The following SPATA6 variants were observed in gnomAD, a reference collection of about 807,000 sequenced individuals.
SPATA6 encodes spermatogenesis-associated protein 6.
A neutral mutation model predicts 65.3 loss-of-function variants in SPATA6; 56 were observed. That is an observed-to-expected ratio of 0.86 (90% CI 0.69 to 1.07). SPATA6 has a LOEUF of 1.07. Among genes scored for constraint, SPATA6 ranks in the 50% least tolerant of loss-of-function variants. The pLI is 0.00. For missense variants in SPATA6, 590 were observed against 594.8 expected (o/e 0.99, Z 0.08); for synonymous variants, 199 against 213.2 (o/e 0.93, Z 0.58).
chr1:48,313,054 A>G (rs1026280261), intron 11 of SPATA6, among the ~76,000 whole-genome samples: 18 of 152,342 alleles, frequency 1.2e-4, no homozygotes, highest in African/African-American at 4.3e-4. Context: ...TGAAAAGACC[A>G]AATCTGTGTC....
chr1:48,424,870 CT>C (rs1326153255), intron 3 of SPATA6, among the ~76,000 whole-genome samples: 1 of 152,066 alleles, frequency 6.6e-6, no homozygotes, highest in Non-Finnish European at 1.5e-5. Flanking sequence ...TTTGAAGCTC[CT>C]TATATATTCT....
At chr1:48,432,669 T>C (rs575595323) in intron 3 of SPATA6, among the ~76,000 whole-genome samples, 1 of 152,258 alleles carries the variant, frequency 6.6e-6, no homozygotes, top group South Asian at 2.1e-4. Context: ...GGAATCCTTG[T>C]GCAGTTGAAG....
the SPATA6 span, among the ~76,000 whole-genome samples, chr1:48,267,373 A>G: frequency 6.6e-6 from 1 of 152,174 alleles, no homozygotes; most frequent in Non-Finnish European, 1.5e-5. Flanking sequence ...GCCTTATTGC[A>G]AGGACAGAGG....
At chr1:48,403,935 T>C in intron 5 of SPATA6, 53 bp from the exon 6 acceptor site, 1 of 1,267,898 alleles carries the variant, frequency 7.9e-7, no homozygotes, top group East Asian at 2.5e-5. Context: ...ATAGAGATAA[T>C]TATTAATGAT....
At chr1:48,302,712 AAT>A (rs1369142696) in intron 12 of SPATA6, among the ~76,000 whole-genome samples, 1 of 152,164 alleles carries the variant, frequency 6.6e-6, no homozygotes, top group East Asian at 1.9e-4. Context: ...GGCCTTCACC[AAT>A]ATCTCTCATG....
intron 3 of SPATA6, among the ~76,000 whole-genome samples, chr1:48,432,464 T>C (rs992572970): frequency 6.6e-6 from 1 of 151,642 alleles, no homozygotes; most frequent in East Asian, 1.9e-4. Flanking sequence ...AATTCAAAAA[T>C]GGGTAAAATA....
chr1:48,413,295 C>CTTT, intron 3 of SPATA6, 144 bp from the exon 4 acceptor site: 1 of 186,878 alleles, frequency 5.4e-6, no homozygotes, highest in Non-Finnish European at 1.1e-5. Flanking sequence ...ATGTACACTT[C>CTTT]TTTTTTTTTT....
chr1:48,357,197 T>C (rs923120526), intron 10 of SPATA6, among the ~76,000 whole-genome samples: 9 of 152,170 alleles, frequency 5.9e-5, no homozygotes, highest in Non-Finnish European at 1.3e-4. Context: ...GATTTGCTAG[T>C]ATTTCTTGGT....
At chr1:48,332,923 G>A (rs748436715) in intron 11 of SPATA6, among the ~76,000 whole-genome samples, 4 of 152,072 alleles carry the variant, frequency 2.6e-5, no homozygotes, top group Non-Finnish European at 4.4e-5. Context: ...CAAGAGAATC[G>A]CTCAAAACCA....
chr1:48,453,276 A>G, intron 1 of SPATA6, 145 bp from the exon 2 acceptor site: 2 of 907,564 alleles, frequency 2.2e-6, no homozygotes, highest in Non-Finnish European at 3.2e-6. Flanking sequence ...AGAGACAGAG[A>G]CTAGTGTTTA....
intron 12 of SPATA6, among the ~76,000 whole-genome samples, chr1:48,304,060 G>T (rs774501782): frequency 1.3e-5 from 2 of 152,186 alleles, no homozygotes; most frequent in Non-Finnish European, 2.9e-5. Flanking sequence ...ATTACTTTGA[G>T]TGTAGTTCCT....
chr1:48,446,244 G>C (rs1656041876), intron 3 of SPATA6, among the ~76,000 whole-genome samples: 2 of 152,162 alleles, frequency 1.3e-5, no homozygotes, highest in Non-Finnish European at 2.9e-5. Flanking sequence ...CACTGAAAAA[G>C]AAATCACTCT....
chr1:48,406,972 G>A (rs1336590947), intron 5 of SPATA6, among the ~76,000 whole-genome samples: 2 of 152,146 alleles, frequency 1.3e-5, no homozygotes, highest in African/African-American at 2.4e-5. Context: ...GAAGGAGTGC[G>A]CTGTTTTCTG....
chr1:48,420,863 G>T (rs1252293429), intron 3 of SPATA6, among the ~76,000 whole-genome samples: 1 of 152,090 alleles, frequency 6.6e-6, no homozygotes, highest in Non-Finnish European at 1.5e-5. Context: ...CCATGAAAAA[G>T]AATGAAATCT....
the SPATA6 span, among the ~76,000 whole-genome samples, chr1:48,279,677 T>C: frequency 1.2e-4 from 18 of 152,274 alleles, no homozygotes; most frequent in South Asian, 3.3e-3. Flanking sequence ...TGCAGATTCA[T>C]AAAGCAAGTC....
chr1:48,413,562 A>G (rs1652479174), intron 3 of SPATA6, among the ~76,000 whole-genome samples: 1 of 150,084 alleles, frequency 6.7e-6, no homozygotes, highest in South Asian at 2.1e-4. Context: ...TCGGCCTTCC[A>G]AAGTGCTGGG....
the SPATA6 span, among the ~76,000 whole-genome samples, chr1:48,270,308 G>T: frequency 6.6e-6 from 1 of 152,138 alleles, no homozygotes. Flanking sequence ...TTAGTGCTCA[G>T]ATGTTGGAAA....
chr1:48,422,643 T>C (rs1388628870), intron 3 of SPATA6, among the ~76,000 whole-genome samples: 2 of 152,176 alleles, frequency 1.3e-5, no homozygotes, highest in Admixed American at 6.5e-5. Flanking sequence ...ACTAGCAACC[T>C]ACTATAAACA....
intron 11 of SPATA6, among the ~76,000 whole-genome samples, chr1:48,330,200 G>A (rs1347492429): frequency 4.6e-5 from 7 of 152,100 alleles, no homozygotes; most frequent in African/African-American, 1.7e-4. Context: ...ATGCTTACTA[G>A]AGTGTCCAGC....
Sources: allele counts gnomAD v4.1 joint callset (sites outside exome capture counted in the v4.1 genomes callset), GRCh38; gene constraint gnomAD v4.1.1; transcripts MANE v1.5; gene names NCBI Gene and HGNC (gene_info 2026-07-23, HGNC 2026-07-21).